TNR: variants seen among roughly 807,000 people sequenced by gnomAD.
TNR encodes tenascin-R.
In TNR, 45 loss-of-function variants were observed where a neutral mutation model predicts 150.4. The observed-to-expected ratio is 0.30, with a 90% confidence interval of 0.24 to 0.38. The LOEUF is 0.38. Among genes scored for constraint, TNR ranks in the 10% least tolerant of loss-of-function variants. The pLI is 1.00. For missense variants in TNR, 1,544 were observed against 1,759.1 expected (o/e 0.88, Z 2.19); for synonymous variants, 687 against 678.4 (o/e 1.01, Z -0.20).
chr1:175,707,670 A>G (rs559538155), intron 1 of TNR, among the ~76,000 whole-genome samples: 120 of 152,186 alleles, frequency 7.9e-4, no homozygotes, highest in Non-Finnish European at 1.3e-3. Flanking sequence ...GCCTCTTTTT[A>G]AAACCCAACT....
intron 1 of TNR, among the ~76,000 whole-genome samples, chr1:175,711,838 T>G (rs1667026597): frequency 6.6e-6 from 1 of 152,138 alleles, no homozygotes; most frequent in East Asian, 1.9e-4. Flanking sequence ...GTTGGGAAAT[T>G]GTCATTTGAG....
At position 175,739,179 on chromosome 1, in the gene TNR, C is replaced by A. The variant is rs555313868; in HGVS notation, c.-165+4047G>T. ...CAGGTGACCCCAGAAAGAGGCAAAA[C>A]CCTGGAAGAAGGTGTTATAATAAGG... On this transcript the variant is annotated intron_variant, in intron 1 of 22. Coordinates refer to ENST00000367674, the MANE Select transcript of TNR (RefSeq NM_003285.3). Among the ~76,000 whole-genome samples the A allele has an allele frequency of 2.6e-5, 4 of 152,044 alleles. No homozygotes were observed. In the East Asian group the frequency reaches 5.8e-4, roughly 22 times the overall value.
intron 1 of TNR, among the ~76,000 whole-genome samples, chr1:175,604,714 T>G (rs983803553): frequency 6.6e-6 from 1 of 152,212 alleles, no homozygotes; most frequent in African/African-American, 2.4e-5. Context: ...AATGATGGAT[T>G]GATTCTGTTA....
intron 2 of TNR, among the ~76,000 whole-genome samples, chr1:175,454,300 G>A (rs957549056): frequency 1.3e-5 from 2 of 152,184 alleles, no homozygotes; most frequent in African/African-American, 2.4e-5. Flanking sequence ...TGGCCATACT[G>A]CATTCATTCA....
chr1:175,396,695 G>T lies in TNR; in HGVS notation c.1089C>A (p.Ala363=). The T allele has an allele frequency of 3.1e-6, 5 of 1,614,208 alleles. No individual in the cohort carries two copies. The highest frequency in any genetic ancestry group is 4.2e-6 in the Non-Finnish European group (5 of 1,180,032). The change falls in exon 5 of 23, where the codon GCC becomes GCA. Residue 363 remains alanine (A), a synonymous_variant. Coordinates refer to ENST00000367674, the MANE Select transcript of TNR (RefSeq NM_003285.3). ...GCTGCTGGAGCTGGAGGCCCCCCAGGGCCGTCGGCTGGTAAGAGATCACAT... is the reference window on the plus strand; with the variant it reads ...GCTGCTGGAGCTGGAGGCCCCCCAGTGCCGTCGGCTGGTAAGAGATCACAT... ...TEYVISYQPT[A]LGGLQLQQRV...
At chr1:175,676,629 C>G (rs538481810) in intron 1 of TNR, among the ~76,000 whole-genome samples, 186 of 152,222 alleles carry the variant, frequency 1.2e-3, no homozygotes, top group Non-Finnish European at 1.9e-3. Context: ...CAGCAACAAC[C>G]AAAAATGCTA....
chr1:175,424,904 A>AT (rs1433543707), intron 2 of TNR, among the ~76,000 whole-genome samples: 1 of 151,964 alleles, frequency 6.6e-6, no homozygotes, highest in Non-Finnish European at 1.5e-5. Flanking sequence ...CTAAGCAAAA[A>AT]ATATCAAGCT....
chr1:175,449,759 C>G (rs190113748), intron 2 of TNR, among the ~76,000 whole-genome samples: 1 of 152,196 alleles, frequency 6.6e-6, no homozygotes, highest in African/African-American at 2.4e-5. Flanking sequence ...GATTTTCTTT[C>G]ACCTGCTCAT....
rs560267241 is a variant in TNR at position 175,696,219 on chromosome 1, T to TTTG, written c.-165+47006_-165+47007insCAA. 9.3e-3 allele frequency among the ~76,000 whole-genome samples: 393 copies of TTTG among 42,082 alleles called. 8 individuals carry two copies. Among genetic ancestry groups the TTTG allele is most frequent in the East Asian group, 0.092 (31 of 336 alleles). 27.6% of individuals were successfully genotyped at this position (42,082 alleles called of 152,430 possible). ...GCCATTAAATGAGCCTTCCTGTAGTTTTTTTTTTTTTTTTTTTTTTTTTTT... is the reference window on the plus strand; with the variant it reads ...GCCATTAAATGAGCCTTCCTGTAGTTTTGTTTTTTTTTTTTTTTTTTTTTTTTT... On this transcript the variant is annotated intron_variant, in intron 1 of 22. Transcript: ENST00000367674.
intron 1 of TNR, among the ~76,000 whole-genome samples, chr1:175,685,315 C>T (rs553725121): frequency 6.6e-6 from 1 of 152,208 alleles, no homozygotes; most frequent in Non-Finnish European, 1.5e-5. Flanking sequence ...CAATAACTGA[C>T]CTGTGACCTT....
intron 1 of TNR, among the ~76,000 whole-genome samples, chr1:175,576,336 G>C (rs781109521): frequency 6.6e-6 from 1 of 152,198 alleles, no homozygotes; most frequent in Non-Finnish European, 1.5e-5. Flanking sequence ...AAGGTGGGAG[G>C]AGAGGAGGAA....
At chr1:175,547,622 A>T (rs1247403679) in intron 1 of TNR, among the ~76,000 whole-genome samples, 2,347 of 75,722 alleles carry the variant, frequency 0.031, 62 homozygotes, top group African/African-American at 0.11. Context: ...ACAAAGAAAC[A>T]AAGAAAGAAA....
At chr1:175,361,268 C>G (rs958661261) in intron 14 of TNR, among the ~76,000 whole-genome samples, 1 of 152,134 alleles carries the variant, frequency 6.6e-6, no homozygotes, top group Non-Finnish European at 1.5e-5. Flanking sequence ...TCTCTTTTAT[C>G]TTGGGGATAG....
At chr1:175,345,701 C>T (rs1571319728) in intron 18 of TNR, among the ~76,000 whole-genome samples, 1 of 151,616 alleles carries the variant, frequency 6.6e-6, no homozygotes, top group Non-Finnish European at 1.5e-5. Flanking sequence ...GGAGGATAGA[C>T]TATGTATTTC....
At chr1:175,470,919 A>T (rs1488499197) in intron 2 of TNR, among the ~76,000 whole-genome samples, 1 of 152,074 alleles carries the variant, frequency 6.6e-6, no homozygotes, top group East Asian at 2.0e-4. Flanking sequence ...CCACTGGCCA[A>T]TGAAGAGGTT....
At chr1:175,472,865 A>G (rs1657362948) in intron 2 of TNR, among the ~76,000 whole-genome samples, 1 of 152,196 alleles carries the variant, frequency 6.6e-6, no homozygotes, top group South Asian at 2.1e-4. Flanking sequence ...CTGCCCTTCC[A>G]GACCAGCAGT....
chr1:175,514,529 C>A (rs1659324158), intron 2 of TNR, among the ~76,000 whole-genome samples: 1 of 152,216 alleles, frequency 6.6e-6, no homozygotes, highest in East Asian at 1.9e-4. Context: ...TACATCCCTT[C>A]CAGCAGCTGG....
At chr1:175,539,504 G>A (rs187563939) in intron 1 of TNR, among the ~76,000 whole-genome samples, 66 of 152,280 alleles carry the variant, frequency 4.3e-4, no homozygotes, top group African/African-American at 1.6e-3. Context: ...TTCAGAAATC[G>A]GAAAGATTAT....
At chr1:175,622,531 C>G (rs543521400) in intron 1 of TNR, among the ~76,000 whole-genome samples, 14 of 152,288 alleles carry the variant, frequency 9.2e-5, no homozygotes, top group African/African-American at 3.4e-4. Context: ...CCCTCTAGCC[C>G]GATATCCACG....
Sources: gnomAD v4.1 joint callset for allele counts (sites outside exome capture counted in the v4.1 genomes callset) on GRCh38, gnomAD v4.1.1 for gene constraint, MANE v1.5 for transcripts, NCBI Gene and HGNC (gene_info 2026-07-23, HGNC 2026-07-21) for gene names.